The following WWOX variants were observed in gnomAD, a reference collection of about 807,000 sequenced individuals.
WWOX encodes WW domain-containing oxidoreductase.
A neutral mutation model predicts 46.2 loss-of-function variants in WWOX; 69 were observed. The ratio of observed to expected loss-of-function variants is 1.49; its 90% CI spans 1.23 to 1.82. WWOX has a LOEUF of 1.82. Among genes scored for constraint, WWOX ranks in the 40% most tolerant of loss-of-function variants. The pLI, the probability that WWOX is intolerant of heterozygous loss-of-function variation, is 0.00. For synonymous variants in WWOX, 359 were observed against 202.6 expected (o/e 1.77, Z -6.56); for missense variants, 919 against 542.6 (o/e 1.69, Z -6.89).
intron 8 of WWOX, chr16:78,994,365 A>C (rs1262955010): frequency 1.3e-5 from 2 of 152,234 alleles, no homozygotes; most frequent in African/African-American, 4.8e-5. Context: ...CTTTAAAGAA[A>C]GAAGAAGGAG....
intron 5 of WWOX, among the ~76,000 whole-genome samples, chr16:78,208,748 A>G (rs1203228978): frequency 2.6e-5 from 4 of 152,230 alleles, no homozygotes; most frequent in Non-Finnish European, 4.4e-5. Context: ...GATTAGTTGT[A>G]AATGATATCT....
intron 5 of WWOX, among the ~76,000 whole-genome samples, chr16:78,322,747 T>C (rs1567500362): frequency 6.6e-6 from 1 of 152,236 alleles, no homozygotes; most frequent in Non-Finnish European, 1.5e-5. Context: ...CAGTATTTTA[T>C]GCTTTGCAGT....
chr16:78,720,299 T>G (rs8061477), intron 8 of WWOX, among the ~76,000 whole-genome samples: 103,804 of 151,920 alleles, frequency 0.68, 36,385 homozygotes, highest in African/African-American at 0.85. Flanking sequence ...AACCTGACGG[T>G]TATATAGATC....
At chr16:79,062,797 T>C (rs2048378349) in intron 8 of WWOX, among the ~76,000 whole-genome samples, 1 of 152,198 alleles carries the variant, frequency 6.6e-6, no homozygotes, top group South Asian at 2.1e-4. Context: ...TTCTGGGTTC[T>C]AACAGCCCCT....
chr16:79,023,084 C>T (rs1259087944), intron 8 of WWOX, among the ~76,000 whole-genome samples: 1 of 151,792 alleles, frequency 6.6e-6, no homozygotes, highest in Non-Finnish European at 1.5e-5. Flanking sequence ...CACAATATAG[C>T]AACAGCAATC....
At chr16:78,763,101 C>T (rs1332345584) in intron 8 of WWOX, among the ~76,000 whole-genome samples, 2 of 152,130 alleles carry the variant, frequency 1.3e-5, no homozygotes, top group East Asian at 3.9e-4. Flanking sequence ...TACTCTGTGC[C>T]AAAGCACTAT....
intron 8 of WWOX, among the ~76,000 whole-genome samples, chr16:78,860,298 A>C (rs1294064876): frequency 6.6e-6 from 1 of 152,222 alleles, no homozygotes; most frequent in Non-Finnish European, 1.5e-5. Context: ...ATGAATGAAT[A>C]GTGGCCTACT....
At chr16:78,281,415 G>T (rs749498700) in intron 5 of WWOX, among the ~76,000 whole-genome samples, 1 of 152,192 alleles carries the variant, frequency 6.6e-6, no homozygotes, top group Non-Finnish European at 1.5e-5. Flanking sequence ...TCTTTTAGTA[G>T]ATCAGGAGTT....
intron 6 of WWOX, among the ~76,000 whole-genome samples, chr16:78,413,891 G>A (rs954850066): frequency 6.6e-6 from 1 of 151,648 alleles, no homozygotes; most frequent in Admixed American, 6.6e-5. Flanking sequence ...GGAGGCTGAG[G>A]TTGTCAGGCC....
chr16:78,622,514 C>T lies in WWOX; in HGVS notation c.1056+189762C>T, dbSNP rs567218077. Among the ~76,000 whole-genome samples, 189 of 150,620 alleles carry T rather than the reference C, an allele frequency of 1.3e-3. 6 individuals carry two copies. In the South Asian group the frequency reaches 0.038, roughly 30 times the overall value. On this transcript the variant is annotated intron_variant, in intron 8 of 8. Transcript: ENST00000566780. ...CTGAGATCGTGCCACTGTACTCCAG[C>T]CTGGGTGACAAGAGTGAAACTCCAT... is the stretch of plus-strand genomic sequence containing the variant.
At chr16:78,455,829 A>C (rs1260847596) in intron 8 of WWOX, among the ~76,000 whole-genome samples, 1 of 151,658 alleles carries the variant, frequency 6.6e-6, no homozygotes, top group Non-Finnish European at 1.5e-5. Flanking sequence ...CCTCATGTTA[A>C]AGTTGATGAT....
intron 8 of WWOX, among the ~76,000 whole-genome samples, chr16:79,010,147 A>G (rs1265002763): frequency 1.3e-5 from 2 of 152,204 alleles, no homozygotes; most frequent in Non-Finnish European, 2.9e-5. Flanking sequence ...CTTTTTAAAA[A>G]TAATCCACCC....
At chr16:78,156,083 C>T (rs2034586950) in intron 4 of WWOX, among the ~76,000 whole-genome samples, 1 of 152,080 alleles carries the variant, frequency 6.6e-6, no homozygotes, top group Non-Finnish European at 1.5e-5. Context: ...TAATGCATTG[C>T]TTAGATAAAG....
At chr16:79,122,447 TTTCTTTTTC>T (rs2049656061) in intron 8 of WWOX, among the ~76,000 whole-genome samples, 1 of 152,166 alleles carries the variant, frequency 6.6e-6, no homozygotes, top group Non-Finnish European at 1.5e-5. Flanking sequence ...GCATCTCTTC[TTTCTTTTTC>T]TTCTTTTTCT....
At chr16:78,878,634 G>A (rs1039361522) in intron 8 of WWOX, among the ~76,000 whole-genome samples, 1 of 152,152 alleles carries the variant, frequency 6.6e-6, no homozygotes, top group African/African-American at 2.4e-5. Context: ...CTAGCACACT[G>A]TTTGGTGCAT....
chr16:78,954,613 A>C (rs896822818), intron 8 of WWOX, among the ~76,000 whole-genome samples: 2 of 152,176 alleles, frequency 1.3e-5, no homozygotes, highest in African/African-American at 4.8e-5. Context: ...CACATAAATA[A>C]GAACAAATAA....
At chr16:78,751,324 C>A (rs536875208) in intron 8 of WWOX, among the ~76,000 whole-genome samples, 4 of 150,152 alleles carry the variant, frequency 2.7e-5, no homozygotes, top group African/African-American at 9.8e-5. Flanking sequence ...TCCTGGGAGT[C>A]AAAAGCAAAG....
chr16:79,172,205 C>G (rs2050713089), intron 8 of WWOX, among the ~76,000 whole-genome samples: 2 of 152,284 alleles, frequency 1.3e-5, no homozygotes, highest in Middle Eastern at 6.8e-3. Context: ...AAATAATGCC[C>G]TTGTTTTATT....
intron 5 of WWOX, among the ~76,000 whole-genome samples, chr16:78,208,544 A>G (rs898941563): frequency 3.3e-5 from 5 of 152,192 alleles, no homozygotes; most frequent in Non-Finnish European, 7.4e-5. Context: ...TAATTTTGTC[A>G]TGTTTAATAT....
Sources: allele counts gnomAD v4.1 joint callset (sites outside exome capture counted in the v4.1 genomes callset), GRCh38; gene constraint gnomAD v4.1.1; transcripts MANE v1.5; gene names NCBI Gene and HGNC (gene_info 2026-07-23, HGNC 2026-07-21).